Variants in NXN observed in about 807,000 individuals in gnomAD.
NXN encodes nucleoredoxin 1.
A neutral mutation model predicts 48.6 loss-of-function variants in NXN; 16 were observed. That is an observed-to-expected ratio of 0.33 (90% CI 0.22 to 0.50). NXN has a LOEUF of 0.50. NXN is among the 20% of genes least tolerant of loss of function. The pLI, the probability that NXN is intolerant of heterozygous loss-of-function variation, is 0.98. For missense variants in NXN, 492 were observed against 605.5 expected (o/e 0.81, Z 1.97); for synonymous variants, 281 against 269.6 (o/e 1.04, Z -0.41).
chr17:946,501 A>C (rs1330005070), intron 1 of NXN, among the ~76,000 whole-genome samples: 1 of 152,200 alleles, frequency 6.6e-6, no homozygotes, highest in East Asian at 1.9e-4. Context: ...AGGTTTTAGA[A>C]CCATTTTCCT....
In NXN at chr17:800,518, C is replaced by T. The variant is rs1487503306; in HGVS notation, c.*431G>A. ...GCAGCTCTAAGCGGAGGCCCTTTCT[C>T]AGCTCAGCCTCCACGCAGGTGTCAC... On this transcript the variant is annotated 3_prime_UTR_variant, in exon 8 of 8. Coordinates refer to ENST00000336868, the MANE Select transcript of NXN (RefSeq NM_022463.5). The T allele has an allele frequency of 1.3e-5, 2 of 154,748 alleles. No homozygotes were observed. The highest frequency in any genetic ancestry group is 4.8e-5 in the African/African-American group (2 of 41,572). 9.6% of individuals were successfully genotyped at this position (154,748 alleles called of 1,614,324 possible).
At chr17:837,896 G>A (rs1460592589) in intron 1 of NXN, among the ~76,000 whole-genome samples, 1 of 152,176 alleles carries the variant, frequency 6.6e-6, no homozygotes, top group Non-Finnish European at 1.5e-5. Context: ...GGTTCACAGA[G>A]AGGACCTATG....
At chr17:841,664 G>A (rs1000450821) in intron 1 of NXN, among the ~76,000 whole-genome samples, 1 of 126,196 alleles carries the variant, frequency 7.9e-6, no homozygotes, top group South Asian at 3.0e-4. Context: ...ATCTCACGCC[G>A]GCGAGCAGGT....
At chr17:879,507 G>A (rs2068260479) in intron 1 of NXN, among the ~76,000 whole-genome samples, 1 of 151,894 alleles carries the variant, frequency 6.6e-6, no homozygotes, top group African/African-American at 2.4e-5. Context: ...GGCTGGTCTT[G>A]AACTCCTGAC....
At chr17:877,600 C>T (rs958000414) in intron 1 of NXN, among the ~76,000 whole-genome samples, 2 of 152,082 alleles carry the variant, frequency 1.3e-5, no homozygotes, top group Non-Finnish European at 2.9e-5. Context: ...AAGACGGACG[C>T]GTACATAAAC....
chr17:863,909 G>T, intron 1 of NXN: 1 of 1,442,692 alleles, frequency 6.9e-7, no homozygotes, highest in Non-Finnish European at 9.4e-7. Context: ...AGAGGTTTAT[G>T]TCAGGCTCAT....
chr17:909,489 C>G (rs902567221), intron 1 of NXN: 23 of 151,416 alleles, frequency 1.5e-4, no homozygotes, highest in African/African-American at 2.2e-4. Flanking sequence ...AAAGACAGCA[C>G]TTCTCGACTT....
rs1270092393 is a variant in NXN at position 853,720 on chromosome 17, TATA to T, written c.361-27645_361-27643del. 7.9e-4 allele frequency among the ~76,000 whole-genome samples: 66 copies of T among 83,172 alleles called. 1 individual carries two copies. Among genetic ancestry groups the T allele is most frequent in the Middle Eastern group, 8.1e-3 (1 of 124 alleles). The allele number at this position is 83,172 out of a possible 152,430, so 54.6% of individuals were successfully genotyped here. On this transcript the variant is annotated intron_variant, in intron 1 of 7. Transcript: ENST00000336868. ...TTATACACATATATATATATATATA[TATA>T]TTTTTTTTTTTTTTTCCAAGACGGA... is the stretch of plus-strand genomic sequence containing the variant.
chr17:921,539 G>A (rs2068750439), intron 1 of NXN, among the ~76,000 whole-genome samples: 1 of 152,136 alleles, frequency 6.6e-6, no homozygotes, highest in Non-Finnish European at 1.5e-5. Context: ...AATGCTGGGG[G>A]TGATGGTTTC....
intron 1 of NXN, among the ~76,000 whole-genome samples, chr17:896,059 G>A (rs539805618): frequency 8.9e-4 from 136 of 151,992 alleles, no homozygotes; most frequent in African/African-American, 3.2e-3. Flanking sequence ...AATTAAATAG[G>A]CTGGGCATGG....
intron 1 of NXN, among the ~76,000 whole-genome samples, chr17:928,125 G>T (rs2068819658): frequency 6.6e-6 from 1 of 152,142 alleles, no homozygotes; most frequent in Non-Finnish European, 1.5e-5. Flanking sequence ...GTTTTGCAAA[G>T]AAAGTGCCAT....
intron 1 of NXN, among the ~76,000 whole-genome samples, chr17:831,456 CATTTATTT>C (rs1555611695): frequency 6.9e-6 from 1 of 145,708 alleles, no homozygotes; most frequent in Non-Finnish European, 1.5e-5. Flanking sequence ...TTTATTTATT[CATTTATTT>C]ATTTATTTAT....
chr17:974,768 G>T (rs2069438388), intron 1 of NXN, among the ~76,000 whole-genome samples: 2 of 151,736 alleles, frequency 1.3e-5, no homozygotes, highest in African/African-American at 4.8e-5. Context: ...ACAAATGATG[G>T]AACAAGAAAA....
At chr17:950,471 C>T (rs894818312) in intron 1 of NXN, among the ~76,000 whole-genome samples, 4 of 151,104 alleles carry the variant, frequency 2.6e-5, no homozygotes, top group African/African-American at 4.9e-5. Flanking sequence ...TGCAAACGGC[C>T]GGGCCAGCAC....
At chr17:887,894 G>A (rs954350601) in intron 1 of NXN, among the ~76,000 whole-genome samples, 7 of 152,208 alleles carry the variant, frequency 4.6e-5, no homozygotes, top group African/African-American at 1.2e-4. Context: ...GGAGGCCTGA[G>A]TTTAAACCCT....
chr17:957,833 G>A (rs796817191), intron 1 of NXN, among the ~76,000 whole-genome samples: 8 of 152,142 alleles, frequency 5.3e-5, no homozygotes, highest in African/African-American at 1.9e-4. Context: ...CCCGAGAGAG[G>A]CAGCTCTCAC....
chr17:891,413 C>T (rs192687285), intron 1 of NXN, among the ~76,000 whole-genome samples: 3 of 152,316 alleles, frequency 2.0e-5, no homozygotes, highest in Admixed American at 1.3e-4. Context: ...CTTTCCATCC[C>T]ATTCAAACAC....
At chr17:939,441 G>T (rs1308615639) in intron 1 of NXN, among the ~76,000 whole-genome samples, 1 of 151,042 alleles carries the variant, frequency 6.6e-6, no homozygotes, top group African/African-American at 2.4e-5. Context: ...TGCCTCGCAG[G>T]TTCAAGTGAT....
intron 1 of NXN, among the ~76,000 whole-genome samples, chr17:963,367 C>A (rs529270846): frequency 6.6e-6 from 1 of 152,102 alleles, no homozygotes; most frequent in Admixed American, 6.6e-5. Context: ...CATTGGGAGG[C>A]CAAGGCAGGT....
Sources: allele counts gnomAD v4.1 joint callset (sites outside exome capture counted in the v4.1 genomes callset), GRCh38; gene constraint gnomAD v4.1.1; transcripts MANE v1.5; gene names NCBI Gene and HGNC (gene_info 2026-07-23, HGNC 2026-07-21).